NEGR1: variants seen among roughly 807,000 people sequenced by gnomAD.
The protein encoded by NEGR1 is neuronal growth regulator 1.
NEGR1 carries 10 observed loss-of-function variants against 40.9 expected under a neutral mutation model. The observed-to-expected ratio is 0.24, with a 90% confidence interval of 0.15 to 0.42. The LOEUF is 0.42. Ranked by LOEUF, NEGR1 falls within the 10% of genes least tolerant of loss-of-function variation. NEGR1 has a pLI of 1.00. For missense variants in NEGR1, 352 were observed against 438.9 expected, an observed-to-expected ratio of 0.80 and a Z score of 1.77; for synonymous variants, 185 against 166.8, an observed-to-expected ratio of 1.11 and a Z score of -0.84.
intron 1 of NEGR1, among the ~76,000 whole-genome samples, chr1:72,136,131 GA>G (rs999652684): frequency 2.0e-5 from 3 of 150,938 alleles, no homozygotes; most frequent in Admixed American, 6.6e-5. Context: ...ACATTACATA[GA>G]AAAAAAAGCA....
At chr1:72,016,180 CAGG>C (rs1033204691) in intron 1 of NEGR1, among the ~76,000 whole-genome samples, 2 of 151,808 alleles carry the variant, frequency 1.3e-5, no homozygotes, top group Non-Finnish European at 2.9e-5. Context: ...CAAAGGAGAA[CAGG>C]AGATTAAATA....
chr1:71,926,448 A>T (rs1006330140), intron 2 of NEGR1, among the ~76,000 whole-genome samples: 1 of 152,014 alleles, frequency 6.6e-6, no homozygotes, highest in Non-Finnish European at 1.5e-5. Flanking sequence ...CCCTCTCAAC[A>T]TATTATTCAT....
At chr1:71,489,487 A>C (rs1458649410) in intron 6 of NEGR1, among the ~76,000 whole-genome samples, 1 of 151,838 alleles carries the variant, frequency 6.6e-6, no homozygotes, top group East Asian at 1.9e-4. Flanking sequence ...CCACACAAAA[A>C]CACTGATTGA....
At chr1:71,630,383 T>C (rs1650933905) in intron 4 of NEGR1, among the ~76,000 whole-genome samples, 1 of 151,908 alleles carries the variant, frequency 6.6e-6, no homozygotes, top group Non-Finnish European at 1.5e-5. Context: ...AAGTGTTAAA[T>C]GGGGTTCAGT....
intron 1 of NEGR1, among the ~76,000 whole-genome samples, chr1:72,251,816 A>G (rs985095307): frequency 1.3e-5 from 2 of 152,026 alleles, no homozygotes; most frequent in Non-Finnish European, 1.5e-5. Flanking sequence ...ATAATAAAAT[A>G]TTTTTCTTAT....
intron 6 of NEGR1, among the ~76,000 whole-genome samples, chr1:71,585,448 A>T (rs1011816311): frequency 6.6e-6 from 1 of 151,986 alleles, no homozygotes; most frequent in African/African-American, 2.4e-5. Context: ...TAAATTGGAA[A>T]CTCTAATTTA....
rs578209146 is a variant in NEGR1, at chr1:71,404,313, C to A, written c.*3133G>T. On this transcript the variant is annotated 3_prime_UTR_variant, in exon 7 of 7. Transcript: ENST00000357731. ...GCTTTAAGTTTGAAATTCTCCCTCTCAAATCTTTTAGTGTCTCAAAAACAC... is the reference window on the plus strand; with the variant it reads ...GCTTTAAGTTTGAAATTCTCCCTCTAAAATCTTTTAGTGTCTCAAAAACAC... 7 of 152,116 alleles carry A rather than the reference C, an allele frequency of 4.6e-5. No homozygotes were observed. Among genetic ancestry groups the A allele is most frequent in the African/African-American group, 1.7e-4 (7 of 41,504 alleles). 9.4% of individuals were successfully genotyped at this position (152,116 alleles called of 1,614,324 possible).
At chr1:71,437,398 A>G (rs778174048) in intron 6 of NEGR1, among the ~76,000 whole-genome samples, 1 of 152,088 alleles carries the variant, frequency 6.6e-6, no homozygotes, top group South Asian at 2.1e-4. Context: ...TATATTTTCA[A>G]TGGGTGAATT....
intron 4 of NEGR1, among the ~76,000 whole-genome samples, chr1:71,653,235 T>C (rs1651774754): frequency 6.6e-6 from 1 of 152,254 alleles, no homozygotes; most frequent in African/African-American, 2.4e-5. Flanking sequence ...TTTACTCTCC[T>C]TTTAATCTAC....
intron 1 of NEGR1, among the ~76,000 whole-genome samples, chr1:72,146,484 A>G (rs1334318308): frequency 6.6e-6 from 1 of 152,098 alleles, no homozygotes; most frequent in Non-Finnish European, 1.5e-5. Context: ...CCAACCAACC[A>G]CAGATTGCAC....
intron 6 of NEGR1, among the ~76,000 whole-genome samples, chr1:71,521,641 A>C (rs1265581993): frequency 6.6e-6 from 1 of 152,076 alleles, no homozygotes; most frequent in Non-Finnish European, 1.5e-5. Flanking sequence ...AAACAGGACT[A>C]CATTTTTCAT....
chr1:71,859,233 T>G (rs1431804638), intron 2 of NEGR1, among the ~76,000 whole-genome samples: 3 of 152,070 alleles, frequency 2.0e-5, no homozygotes, highest in Non-Finnish European at 2.9e-5. Context: ...GTCTCTCTGC[T>G]GTTTCCAGAA....
intron 1 of NEGR1, among the ~76,000 whole-genome samples, chr1:71,948,120 A>G (rs1646037742): frequency 6.6e-6 from 1 of 152,148 alleles, no homozygotes. Context: ...ACTTTGTTCT[A>G]TCTTGTGTAG....
At chr1:71,639,560 G>A (rs1233542808) in intron 4 of NEGR1, among the ~76,000 whole-genome samples, 6 of 152,050 alleles carry the variant, frequency 3.9e-5, no homozygotes, top group Non-Finnish European at 8.8e-5. Context: ...GCACATGTTT[G>A]TAGGAAGTTA....
At position 71,943,139 on chromosome 1, in the gene NEGR1, G is replaced by GTA. The variant is rs1266015922; in HGVS notation, c.177-7830_177-7829dup. Among the ~76,000 whole-genome samples, 180 of 141,962 alleles carry GTA rather than the reference G, an allele frequency of 1.3e-3. 2 individuals are homozygous for GTA. Among genetic ancestry groups the GTA allele is most frequent in the Admixed American group, 2.3e-3 (33 of 14,158 alleles). 93.1% of individuals were successfully genotyped at this position (141,962 alleles called of 152,430 possible). A position where few individuals can be genotyped will look rare whatever the true frequency, so the allele number is the denominator to read the frequency against. On this transcript the variant is annotated intron_variant, in intron 1 of 6. Transcript: ENST00000357731. ...AAACTATACATATGTGTATGTGTGT[G>GTA]TATATATATATAAAACAAACTTAAC...
chr1:71,927,993 G>A (rs369950257), intron 2 of NEGR1, among the ~76,000 whole-genome samples: 12 of 140,336 alleles, frequency 8.6e-5, no homozygotes, highest in Middle Eastern at 3.7e-3. Flanking sequence ...GTGAGATGCT[G>A]TCTCAGGAAA....
intron 1 of NEGR1, among the ~76,000 whole-genome samples, chr1:71,976,294 C>T (rs1484948343): frequency 6.6e-6 from 1 of 152,160 alleles, no homozygotes; most frequent in Non-Finnish European, 1.5e-5. Flanking sequence ...AAATGTAGAT[C>T]ACTGAAGCAA....
At chr1:71,740,564 T>G (rs556424425) in intron 3 of NEGR1, among the ~76,000 whole-genome samples, 1 of 152,148 alleles carries the variant, frequency 6.6e-6, no homozygotes, top group South Asian at 2.1e-4. Context: ...GGGGCCTGTC[T>G]GCTGAACACA....
chr1:71,853,539 C>G (rs1012727925), intron 2 of NEGR1, among the ~76,000 whole-genome samples: 1 of 151,856 alleles, frequency 6.6e-6, no homozygotes, highest in Non-Finnish European at 1.5e-5. Flanking sequence ...ATGCCATGAG[C>G]TATGTAGCAC....
Sources: gnomAD v4.1 joint callset for allele counts (sites outside exome capture counted in the v4.1 genomes callset) on GRCh38, gnomAD v4.1.1 for gene constraint, MANE v1.5 for transcripts, NCBI Gene and HGNC (gene_info 2026-07-23, HGNC 2026-07-21) for gene names.